The following TSHZ2 variants were observed in gnomAD, a reference collection of about 807,000 sequenced individuals.
TSHZ2 encodes teashirt homolog 2.
Under a neutral mutation model 74.4 loss-of-function variants are expected in TSHZ2, and 21 were observed. The observed-to-expected ratio is 0.28, with a 90% confidence interval of 0.20 to 0.41. The LOEUF (loss-of-function observed/expected upper bound fraction) is 0.41. Among genes scored for constraint, TSHZ2 ranks in the 10% least tolerant of loss-of-function variants. The pLI is 1.00. For missense variants in TSHZ2, 1,244 were observed against 1,293.5 expected (o/e 0.96, Z 0.59); for synonymous variants, 540 against 515.3 (o/e 1.05, Z -0.65).
intron 1 of TSHZ2, among the ~76,000 whole-genome samples, chr20:53,048,324 G>A (rs941086670): frequency 2.0e-5 from 3 of 152,102 alleles, no homozygotes; most frequent in African/African-American, 4.8e-5. Context: ...GAGAGAGAGA[G>A]AGAGCAAAAT....
intron 1 of TSHZ2, among the ~76,000 whole-genome samples, chr20:53,111,363 C>T (rs1490065822): frequency 6.6e-6 from 1 of 152,068 alleles, no homozygotes; most frequent in Admixed American, 6.6e-5. Flanking sequence ...CTACACTAAA[C>T]TCCCAAATCT....
intron 1 of TSHZ2, among the ~76,000 whole-genome samples, chr20:53,160,849 C>A (rs2123462273): frequency 6.6e-6 from 1 of 151,676 alleles, no homozygotes; most frequent in Non-Finnish European, 1.5e-5. Context: ...ATAGGCCCAT[C>A]TTCTTTGAAT....
At chr20:53,134,646 C>T (rs1324902228) in intron 1 of TSHZ2, among the ~76,000 whole-genome samples, 1 of 152,186 alleles carries the variant, frequency 6.6e-6, no homozygotes, top group African/African-American at 2.4e-5. Context: ...CATGGACACT[C>T]TTAACAATTC....
intron 1 of TSHZ2, among the ~76,000 whole-genome samples, chr20:53,045,347 G>C (rs1219461691): frequency 9.9e-5 from 15 of 152,214 alleles, no homozygotes; most frequent in Admixed American, 9.8e-4. Flanking sequence ...AATCCAAAAG[G>C]AGAAGAGACC....
rs146453330 is a variant in TSHZ2 at position 53,083,438 on chromosome 20, C to T, written c.40+110105C>T. Among the ~76,000 whole-genome samples, 90 of 152,294 alleles carry T rather than the reference C, an allele frequency of 5.9e-4. 1 individual carries two copies. Among genetic ancestry groups the T allele is most frequent in the African/African-American group, 2.0e-3 (82 of 41,562 alleles). On this transcript the variant is annotated intron_variant, in intron 1 of 2. Transcript: ENST00000371497. The stretch of plus-strand genomic sequence containing the variant: ...GCCTCACATTTCTATCGGTTTTAAC[C>T]GTATAGCCAGGGTCGGTGATCCTTT...
chr20:53,092,066 G>A (rs567346681), intron 1 of TSHZ2, among the ~76,000 whole-genome samples: 1 of 152,014 alleles, frequency 6.6e-6, no homozygotes, highest in Admixed American at 6.6e-5. Context: ...CAACAAAACC[G>A]ATGCTTTTGT....
At chr20:53,138,889 C>G (rs1042655719) in intron 1 of TSHZ2, among the ~76,000 whole-genome samples, 2 of 152,172 alleles carry the variant, frequency 1.3e-5, no homozygotes, top group African/African-American at 4.8e-5. Flanking sequence ...CAGAGAAGGG[C>G]TCAAACATTT....
At chr20:53,387,634 G>A (rs915056696) in intron 2 of TSHZ2, among the ~76,000 whole-genome samples, 6 of 152,226 alleles carry the variant, frequency 3.9e-5, no homozygotes, top group African/African-American at 1.4e-4. Flanking sequence ...CCCTCTTGAA[G>A]TGAAACTTCA....
chr20:53,128,311 T>C (rs1987003824), intron 1 of TSHZ2, among the ~76,000 whole-genome samples: 1 of 152,204 alleles, frequency 6.6e-6, no homozygotes, highest in South Asian at 2.1e-4. Flanking sequence ...AGAGTAATTT[T>C]AGTATCAACC....
chr20:53,050,770 G>C (rs888433725), intron 1 of TSHZ2, among the ~76,000 whole-genome samples: 5 of 152,214 alleles, frequency 3.3e-5, no homozygotes, highest in Admixed American at 2.0e-4. Flanking sequence ...CCTCTAAATG[G>C]TAGTTCTTGG....
chr20:53,376,469 A>T (rs1163709715), intron 2 of TSHZ2, among the ~76,000 whole-genome samples: 2 of 152,204 alleles, frequency 1.3e-5, no homozygotes, highest in African/African-American at 4.8e-5. Flanking sequence ...GATAACAAAG[A>T]TATTCTCTTC....
intron 1 of TSHZ2, among the ~76,000 whole-genome samples, chr20:53,227,183 T>G (rs1989704512): frequency 2.0e-5 from 3 of 151,912 alleles, no homozygotes; most frequent in African/African-American, 4.8e-5. Flanking sequence ...TGATAATATA[T>G]GTATGAGATC....
intron 1 of TSHZ2, among the ~76,000 whole-genome samples, chr20:53,040,980 G>A (rs1442502129): frequency 6.6e-6 from 1 of 152,194 alleles, no homozygotes; most frequent in Non-Finnish European, 1.5e-5. Flanking sequence ...GGCATTGTCA[G>A]TCAGCCCTCT....
At chr20:53,232,777 G>A (rs1989857469) in intron 1 of TSHZ2, among the ~76,000 whole-genome samples, 1 of 151,968 alleles carries the variant, frequency 6.6e-6, no homozygotes, top group South Asian at 2.1e-4. Context: ...GTTGTATTGA[G>A]CACTTTCTCT....
chr20:53,035,392 T>C (rs1983781288), intron 1 of TSHZ2, among the ~76,000 whole-genome samples: 2 of 152,102 alleles, frequency 1.3e-5, no homozygotes, highest in South Asian at 4.2e-4. Flanking sequence ...TTTTTGTTTT[T>C]TTGTTTTTTA....
chr20:53,158,449 G>A (rs1987848998), intron 1 of TSHZ2, among the ~76,000 whole-genome samples: 1 of 151,838 alleles, frequency 6.6e-6, no homozygotes, highest in Non-Finnish European at 1.5e-5. Flanking sequence ...AGTGGCTGTG[G>A]CTGGGCTGAT....
At chr20:53,240,575 C>A (rs1990039968) in intron 1 of TSHZ2, among the ~76,000 whole-genome samples, 2 of 152,098 alleles carry the variant, frequency 1.3e-5, no homozygotes. Context: ...AGGAACTCAG[C>A]CCATGCCTAA....
At chr20:53,292,867 G>T (rs1991306598) in intron 2 of TSHZ2, among the ~76,000 whole-genome samples, 1 of 152,114 alleles carries the variant, frequency 6.6e-6, no homozygotes, top group Non-Finnish European at 1.5e-5. Context: ...CTTGACTAAG[G>T]TCACAGATCC....
At chr20:53,424,192 T>A (rs1983581114) in intron 2 of TSHZ2, among the ~76,000 whole-genome samples, 1 of 152,252 alleles carries the variant, frequency 6.6e-6, no homozygotes, top group Non-Finnish European at 1.5e-5. Context: ...ATGTGTAGGA[T>A]GTTTGCAGCA....
Sources: gnomAD v4.1 joint callset for allele counts (sites outside exome capture counted in the v4.1 genomes callset) on GRCh38, gnomAD v4.1.1 for gene constraint, MANE v1.5 for transcripts, NCBI Gene and HGNC (gene_info 2026-07-23, HGNC 2026-07-21) for gene names.